The following SHISA9 variants were observed in gnomAD, a reference collection of about 807,000 sequenced individuals.
SHISA9 encodes the protein shisa family member 9, also known as protein shisa-9.
SHISA9 carries 13 observed loss-of-function variants against 38.0 expected under a neutral mutation model. That is an observed-to-expected ratio of 0.34 (90% CI 0.22 to 0.54). The LOEUF (loss-of-function observed/expected upper bound fraction) is 0.54. Ranked by LOEUF, SHISA9 falls within the 20% of genes least tolerant of loss-of-function variation. The pLI is 0.91. For synonymous variants in SHISA9, 275 were observed against 242.0 expected (o/e 1.14, Z -1.27); for missense variants, 538 against 575.8 (o/e 0.93, Z 0.67).
intron 2 of SHISA9, among the ~76,000 whole-genome samples, chr16:13,185,455 C>T (rs1460583856): frequency 2.6e-5 from 4 of 152,176 alleles, no homozygotes; most frequent in Admixed American, 2.6e-4. Flanking sequence ...CTTCCCACCT[C>T]AGCCTCCCAA....
At chr16:12,970,493 ATATATTTTTTTTTTTTT>A (rs1749445693) in intron 2 of SHISA9, among the ~76,000 whole-genome samples, 5 of 30,382 alleles carry the variant, frequency 1.6e-4, no homozygotes, top group South Asian at 1.7e-3. Context: ...ATATATATAT[ATATATTTTTTTTTTTTT>A]TTTTTTTTTT....
intron 4 of SHISA9, among the ~76,000 whole-genome samples, chr16:13,234,029 A>C (rs899968358): frequency 3.3e-5 from 5 of 152,180 alleles, no homozygotes; most frequent in African/African-American, 9.7e-5. Context: ...TAAATAAATA[A>C]GAAAACATTT....
chr16:13,199,379 C>CT lies in SHISA9; in HGVS notation c.692-4014dup, dbSNP rs371891607. ...ATTTCTGCTGTAGCTCTGTAGAAAA[C>CT]TGAGGGGCAATGCATTTTCCATCTC... On this transcript the variant is annotated intron_variant, in intron 2 of 4. Transcript: ENST00000558583. Among the ~76,000 whole-genome samples, 727 of 152,280 alleles carry CT rather than the reference C, an allele frequency of 4.8e-3. 7 individuals are homozygous for CT. The highest frequency in any genetic ancestry group is 0.016 in the African/African-American group (662 of 41,550).
intron 2 of SHISA9, among the ~76,000 whole-genome samples, chr16:13,110,596 G>T (rs896514060): frequency 1.3e-5 from 2 of 152,156 alleles, no homozygotes; most frequent in South Asian, 2.1e-4. Flanking sequence ...GGAGAGGAGA[G>T]CTGGAACTTG....
chr16:13,132,198 G>C lies in SHISA9; in HGVS notation c.692-71196G>C, dbSNP rs1415060212. On this transcript the variant is annotated intron_variant, in intron 2 of 4. Coordinates refer to ENST00000558583, the MANE Select transcript of SHISA9 (RefSeq NM_001145204.3). Reference sequence around the variant, plus strand: ...TGAATAGCAGCTCTGATGGTTACTAGCTGGGTGACTTTGTGTGTCTTAGTT... The same window carrying C: ...TGAATAGCAGCTCTGATGGTTACTACCTGGGTGACTTTGTGTGTCTTAGTT... Among the ~76,000 whole-genome samples the C allele has an allele frequency of 2.0e-5, 3 of 152,136 alleles. No homozygotes were observed. In the East Asian group the frequency reaches 5.8e-4, roughly 29 times the overall value.
chr16:12,909,693 C>T, intron 1 of SHISA9: 1 of 678,020 alleles, frequency 1.5e-6, no homozygotes, highest in Non-Finnish European at 1.8e-6. Flanking sequence ...TAGTTGCTTC[C>T]CACCCCAGCC....
intron 2 of SHISA9, among the ~76,000 whole-genome samples, chr16:13,089,122 C>T (rs1034211453): frequency 7.2e-5 from 11 of 152,244 alleles, no homozygotes; most frequent in Admixed American, 2.0e-4. Context: ...TATTGATTTG[C>T]GTGTGTTGAA....
the SHISA9 span, among the ~76,000 whole-genome samples, chr16:13,364,626 G>A: frequency 6.6e-6 from 1 of 152,174 alleles, no homozygotes; most frequent in African/African-American, 2.4e-5. Context: ...TTCAATGATA[G>A]GAGGCTTCTG....
chr16:13,473,032 C>T, the SHISA9 span, among the ~76,000 whole-genome samples: 2 of 152,122 alleles, frequency 1.3e-5, no homozygotes, highest in East Asian at 3.9e-4. Context: ...CTTTATATGC[C>T]TGTTAATTTT....
At chr16:13,362,003 A>G in the SHISA9 span, among the ~76,000 whole-genome samples, 124,643 of 152,054 alleles carry the variant, frequency 0.82, 51,229 homozygotes, top group East Asian at 0.96. Context: ...CACACTAGTT[A>G]TGTGACCTTG....
At chr16:13,016,795 G>T (rs555235229) in intron 2 of SHISA9, among the ~76,000 whole-genome samples, 3 of 152,134 alleles carry the variant, frequency 2.0e-5, no homozygotes, top group Non-Finnish European at 4.4e-5. Context: ...GACCATCTTG[G>T]AAAATCAGGG....
chr16:12,970,402 T>TAC (rs1245982561), intron 2 of SHISA9, among the ~76,000 whole-genome samples: 1 of 7,328 alleles, frequency 1.4e-4, no homozygotes, highest in African/African-American at 3.9e-4. Context: ...TATATATATA[T>TAC]ACATATATAT....
At chr16:13,105,300 G>T (rs1407517571) in intron 2 of SHISA9, among the ~76,000 whole-genome samples, 1 of 152,164 alleles carries the variant, frequency 6.6e-6, no homozygotes, top group Non-Finnish European at 1.5e-5. Context: ...GTGGATGGAA[G>T]GTGTCTAAGC....
At chr16:13,189,938 G>A (rs1253405616) in intron 2 of SHISA9, among the ~76,000 whole-genome samples, 3 of 152,222 alleles carry the variant, frequency 2.0e-5, no homozygotes, top group Non-Finnish European at 1.5e-5. Context: ...GGAGAGGGAC[G>A]CAGAGGGAGG....
At chr16:13,001,174 C>T (rs761873365) in intron 2 of SHISA9, among the ~76,000 whole-genome samples, 23 of 152,212 alleles carry the variant, frequency 1.5e-4, no homozygotes, top group African/African-American at 4.1e-4. Flanking sequence ...GTGATCTGCC[C>T]GCCTTGGCCT....
intron 2 of SHISA9, among the ~76,000 whole-genome samples, chr16:13,096,042 G>T (rs1217793373): frequency 1.3e-5 from 2 of 152,208 alleles, no homozygotes; most frequent in African/African-American, 2.4e-5. Flanking sequence ...CTGGAGTCAA[G>T]AATACTTGAG....
intron 2 of SHISA9, among the ~76,000 whole-genome samples, chr16:12,969,702 G>A (rs965106626): frequency 3.3e-5 from 5 of 152,250 alleles, no homozygotes; most frequent in Non-Finnish European, 7.3e-5. Context: ...AGCTGAGAGC[G>A]TGCCATTGCA....
the SHISA9 span, among the ~76,000 whole-genome samples, chr16:13,417,553 C>A: frequency 6.6e-6 from 1 of 152,228 alleles, no homozygotes; most frequent in Non-Finnish European, 1.5e-5. Context: ...GTACTCACTT[C>A]TTTCTTCAAG....
chr16:13,179,952 C>A (rs1405380101), intron 2 of SHISA9, among the ~76,000 whole-genome samples: 1 of 152,100 alleles, frequency 6.6e-6, no homozygotes, highest in South Asian at 2.1e-4. Flanking sequence ...CTGATCTGGA[C>A]CCAGGGCATT....
Sources: allele counts gnomAD v4.1 joint callset (sites outside exome capture counted in the v4.1 genomes callset), GRCh38; gene constraint gnomAD v4.1.1; transcripts MANE v1.5; gene names NCBI Gene and HGNC (gene_info 2026-07-23, HGNC 2026-07-21).